DPYSL2: variants seen among roughly 807,000 people sequenced by gnomAD.
DPYSL2 encodes the protein dihydropyrimidinase-related protein 2.
A neutral mutation model predicts 69.9 loss-of-function variants in DPYSL2; 13 were observed. The observed-to-expected ratio is 0.19, with a 90% CI of 0.12 to 0.30. The LOEUF (loss-of-function observed/expected upper bound fraction) is 0.30, where lower values mean the gene tolerates loss of function less well. Ranked by LOEUF, DPYSL2 falls within the 10% of genes least tolerant of loss-of-function variation. The pLI is 1.00. For missense variants in DPYSL2, 587 were observed against 918.9 expected (o/e 0.64, Z 4.67); for synonymous variants, 326 against 359.1 (o/e 0.91, Z 1.04).
chr8:26,579,736 C>G (rs2129723852), intron 1 of DPYSL2, among the ~76,000 whole-genome samples: 1 of 152,182 alleles, frequency 6.6e-6, no homozygotes, highest in African/African-American at 2.4e-5. Context: ...TCCCAAAGGG[C>G]CGGGCACGGG....
intron 3 of DPYSL2, among the ~76,000 whole-genome samples, chr8:26,600,109 G>A (rs1418309797): frequency 6.6e-6 from 1 of 152,178 alleles, no homozygotes; most frequent in Non-Finnish European, 1.5e-5. Flanking sequence ...ACTTTTTATG[G>A]TCGAATAATA....
rs1319712837 is a variant in DPYSL2 at position 26,598,297 on chromosome 8, C to T, written c.628+14314C>T. 6.6e-6 allele frequency among the ~76,000 whole-genome samples: 1 copy of T among 152,158 alleles called. No homozygotes were observed. The highest frequency in any genetic ancestry group is 1.5e-5 in the Non-Finnish European group (1 of 68,032). On this transcript the variant is annotated intron_variant, in intron 3 of 13. Coordinates refer to ENST00000521913, the MANE Select transcript of DPYSL2 (RefSeq NM_001197293.3). This position sits in a 1 kb window ranked among gnomAD's most constrained non-coding sequence, Gnocchi z 4.2. ...TCTACCTTTTCTTGTGTTCTTCTGT[C>T]GTCGAGAATCAATTAAAATGGTCAG...
chr8:26,622,561 G>A (rs552008841), intron 3 of DPYSL2, among the ~76,000 whole-genome samples: 29 of 151,656 alleles, frequency 1.9e-4, no homozygotes, highest in East Asian at 3.9e-4. Context: ...GGAGTGCAGC[G>A]GCACAATCTT....
intron 3 of DPYSL2, among the ~76,000 whole-genome samples, chr8:26,606,941 T>G (rs981462979): frequency 4.6e-5 from 7 of 152,172 alleles, no homozygotes; most frequent in Non-Finnish European, 8.8e-5. Context: ...GGATAGGTAT[T>G]TACATTGGCA....
intron 3 of DPYSL2, among the ~76,000 whole-genome samples, chr8:26,616,110 T>C (rs1330286982): frequency 6.6e-6 from 1 of 152,196 alleles, no homozygotes; most frequent in Non-Finnish European, 1.5e-5. Flanking sequence ...CTCTGAGAGT[T>C]TGAACTTCTT....
intron 1 of DPYSL2, among the ~76,000 whole-genome samples, chr8:26,556,192 T>TACTA (rs370573016): frequency 1.1e-4 from 1 of 9,026 alleles, no homozygotes; most frequent in Non-Finnish European, 1.9e-4. Flanking sequence ...ACTATATATA[T>TACTA]TATATATACT....
chr8:26,572,900 G>A (rs917109189), intron 1 of DPYSL2, among the ~76,000 whole-genome samples: 2 of 152,210 alleles, frequency 1.3e-5, no homozygotes, highest in African/African-American at 2.4e-5. Context: ...GGTGAGGATT[G>A]TATTGTGTAG....
Position 26,634,033 on chromosome 8 carries a change from G to A in DPYSL2, c.1006-747G>A, listed in dbSNP as rs149059354. Among the ~76,000 whole-genome samples the A allele has an allele frequency of 1.6e-3, 249 of 152,342 alleles. 4 individuals are homozygous for A. The East Asian group carries it at 0.023, about 14-fold the overall frequency. The stretch of plus-strand genomic sequence containing the variant: ...CTGAATATCTTGACTCAAGACCCTG[G>A]GAGCAGAATGAATATATGGAATTGA... On this transcript the variant is annotated intron_variant, in intron 7 of 13. Coordinates refer to ENST00000521913, the MANE Select transcript of DPYSL2 (RefSeq NM_001197293.3).
rs577491590 is a variant in DPYSL2, at chr8:26,597,612, C to T, written c.628+13629C>T. Among the ~76,000 whole-genome samples the T allele has an allele frequency of 6.6e-6, 1 of 152,102 alleles. No homozygotes were observed. The highest frequency in any genetic ancestry group is 1.9e-4 in the East Asian group (1 of 5,172). On this transcript the variant is annotated intron_variant, in intron 3 of 13. Transcript: ENST00000521913. This position sits in a 1 kb window ranked among gnomAD's most constrained non-coding sequence, Gnocchi z 5.2. ...GCCTCAGCCTCCCAAGTAGCTGGGA[C>T]TACAGGCGCCCGCCACCACGCCCAA...
intron 1 of DPYSL2, among the ~76,000 whole-genome samples, chr8:26,523,059 G>T (rs1808414677): frequency 6.6e-6 from 1 of 151,768 alleles, no homozygotes; most frequent in Non-Finnish European, 1.5e-5. Context: ...TTTGTGCACT[G>T]AATAAGCCTG....
intron 1 of DPYSL2, among the ~76,000 whole-genome samples, chr8:26,544,912 GA>G (rs1231179940): frequency 6.6e-6 from 1 of 152,236 alleles, no homozygotes; most frequent in East Asian, 1.9e-4. Flanking sequence ...TAGACACAAG[GA>G]AGATCATTTT....
rs139566726 is a variant in DPYSL2 at position 26,623,550 on chromosome 8, CCAGAT to C, written c.629-589_629-585del. 4.5e-3 allele frequency among the ~76,000 whole-genome samples: 683 copies of C among 152,274 alleles called. 26 individuals carry two copies. The East Asian group carries it at 0.11, about 25-fold the overall frequency. ...GCTTGCATCCAAAGTCCTCAGTCTT[CCAGAT>C]CAGCGTACCTCCATAGTAATATAAC... is the stretch of plus-strand genomic sequence containing the variant. On this transcript the variant is annotated intron_variant, in intron 3 of 13. Transcript: ENST00000521913.
At position 26,643,832 on chromosome 8, in the gene DPYSL2, G is replaced by T. The variant is rs925897462; in HGVS notation, c.1284-118G>T. The T allele has an allele frequency of 2.2e-6, 3 of 1,384,606 alleles. No homozygotes were observed. The highest frequency in any genetic ancestry group is 2.0e-4 in the Middle Eastern group (1 of 4,988). The allele number at this position is 1,384,606 out of a possible 1,614,324, so 85.8% of individuals were successfully genotyped here. A position where few individuals can be genotyped will look rare whatever the true frequency, so the allele number is the denominator to read the frequency against. On this transcript the variant is annotated intron_variant, in intron 9 of 13. Transcript: ENST00000521913. The surrounding 1 kb of genome is among the most constrained non-coding windows in gnomAD (Gnocchi z 6.5). ...GTCAAGCCAAGAAGGGAGAGGAGGC[G>T]TCAAAAGGACTCCACTTGGGTTGGT...
rs1491209184 is a variant in DPYSL2, at chr8:26,622,090, T to TTTCTTTCC, written c.629-2050_629-2049insTTTCCTTC. On this transcript the variant is annotated intron_variant, in intron 3 of 13. Transcript: ENST00000521913. ...TTTCTTTTTTTTCTTTCTTTCTTTC[T>TTTCTTTCC]TTCCTTCCTTCCTTCCTTCCTTCCT... is the stretch of plus-strand genomic sequence containing the variant. Among the ~76,000 whole-genome samples, 568 of 64,414 alleles carry TTTCTTTCC rather than the reference T, an allele frequency of 8.8e-3. 12 individuals carry two copies. The highest frequency in any genetic ancestry group is 0.013 in the Non-Finnish European group (401 of 31,268). 42.3% of individuals were successfully genotyped at this position (64,414 alleles called of 152,430 possible). A position where few individuals can be genotyped will look rare whatever the true frequency, so the allele number is the denominator to read the frequency against.
Position 26,627,975 on chromosome 8 carries a change from G to T in DPYSL2, c.1005+35G>T. On this transcript the variant is annotated intron_variant, in intron 7 of 13. Transcript: ENST00000521913. This position sits in a 1 kb window ranked among gnomAD's most constrained non-coding sequence, Gnocchi z 6.9. ...CACCAAGCGGAATGCGTGAATCAGT[G>T]TCCCTTGGGCACTGTGCAGAGCCTC... 1.2e-6 allele frequency: 2 copies of T among 1,604,998 alleles called. No individual in the cohort carries two copies. The highest frequency in any genetic ancestry group is 2.2e-5 in the South Asian group (2 of 89,474).
chr8:26,569,385 AAC>A lies in DPYSL2; in HGVS notation c.355-12583_355-12582del, dbSNP rs1046640763. Among the ~76,000 whole-genome samples the A allele has an allele frequency of 3.6e-3, 536 of 150,032 alleles. 2 individuals carry two copies. The highest frequency in any genetic ancestry group is 5.7e-3 in the Non-Finnish European group (382 of 67,482). ...AAAAACAAAAACAAAAACAAAAAAA[AAC>A]CAAAGAAAAACCCAAAGCCTGGGAT... On this transcript the variant is annotated intron_variant, in intron 1 of 13. Transcript: ENST00000521913.
intron 1 of DPYSL2, among the ~76,000 whole-genome samples, chr8:26,556,106 G>C (rs868756631): frequency 1.7e-4 from 4 of 24,242 alleles, no homozygotes; most frequent in African/African-American, 2.3e-4. Flanking sequence ...ATTATATATA[G>C]TATATATATA....
intron 1 of DPYSL2, among the ~76,000 whole-genome samples, chr8:26,522,729 T>C (rs1263980299): frequency 6.6e-6 from 1 of 152,262 alleles, no homozygotes; most frequent in African/African-American, 2.4e-5. Context: ...ATGAATTCTT[T>C]ATGTATTCTA....
In DPYSL2 at chr8:26,579,919, C is replaced by G. The variant is rs1214590534; in HGVS notation, c.355-2050C>G. Among the ~76,000 whole-genome samples, 4 of 95,154 alleles carry G rather than the reference C, an allele frequency of 4.2e-5. No homozygotes were observed. The Admixed American group carries it at 5.7e-4, about 13-fold the overall frequency. The allele number at this position is 95,154 out of a possible 152,430, so 62.4% of individuals were successfully genotyped here. ...AAAAAAATTAAAAGCAAACGATCAACAAGACTTTTTTTTTTTTTTTTTTTT... is the reference window on the plus strand; with the variant it reads ...AAAAAAATTAAAAGCAAACGATCAAGAAGACTTTTTTTTTTTTTTTTTTTT... On this transcript the variant is annotated intron_variant, in intron 1 of 13. Coordinates refer to ENST00000521913, the MANE Select transcript of DPYSL2 (RefSeq NM_001197293.3).
Sources: gnomAD v4.1 joint callset for allele counts (sites outside exome capture counted in the v4.1 genomes callset) on GRCh38, gnomAD v4.1.1 for gene constraint, Gnocchi (gnomAD v3.1) non-coding constraint, MANE v1.5 for transcripts, NCBI Gene and HGNC (gene_info 2026-07-23, HGNC 2026-07-21) for gene names.